SEC23IP: variants seen among roughly 807,000 people sequenced by gnomAD.
SEC23IP encodes SEC23-interacting protein.
SEC23IP carries 70 observed loss-of-function variants against 113.4 expected under a neutral mutation model. The ratio of observed to expected loss-of-function variants is 0.62; its 90% CI spans 0.51 to 0.75. The LOEUF is 0.75. Ranked by LOEUF, SEC23IP falls within the 30% of genes least tolerant of loss-of-function variation. The pLI, the probability that SEC23IP is intolerant of heterozygous loss-of-function variation, is 0.00. For synonymous variants in SEC23IP, 398 were observed against 421.0 expected, an observed-to-expected ratio of 0.95 and a Z score of 0.67; for missense variants, 1,160 against 1,204.9, an observed-to-expected ratio of 0.96 and a Z score of 0.55.
At position 119,919,619 on chromosome 10, in the gene SEC23IP, T is replaced by C. The variant is rs201450604; in HGVS notation, c.2025+23T>C. The stretch of plus-strand genomic sequence containing the variant: ...CTGGTACTGATCATAGTTTGCTTCA[T>C]TTTGTTTGAAATTGTTTTTCTTGTG... On this transcript the variant is annotated intron_variant, in intron 11 of 18. Transcript: ENST00000369075. The C allele has an allele frequency of 3.1e-5, 47 of 1,539,878 alleles. No individual in the cohort carries two copies. In the Admixed American group the frequency reaches 1.0e-3, roughly 34 times the overall value.
At chr10:119,909,353 G>T (rs1358871783) in intron 5 of SEC23IP, among the ~76,000 whole-genome samples, 2 of 152,090 alleles carry the variant, frequency 1.3e-5, no homozygotes, top group Admixed American at 6.6e-5. Flanking sequence ...GTAGGGCGAG[G>T]TGCACACCTG....
intron 18 of SEC23IP, among the ~76,000 whole-genome samples, chr10:119,934,799 T>G (rs1855720151): frequency 6.6e-6 from 1 of 152,230 alleles, no homozygotes; most frequent in African/African-American, 2.4e-5. Flanking sequence ...GAGAAAGTTT[T>G]TTGGCTCCAT....
chr10:119,912,930 C>T (rs187314003), intron 6 of SEC23IP, among the ~76,000 whole-genome samples: 31 of 152,254 alleles, frequency 2.0e-4, no homozygotes, highest in African/African-American at 3.6e-4. Context: ...TGTGAGCCAC[C>T]GCACCCTACC....
At chr10:119,918,771 A>C (rs1564916805) in intron 10 of SEC23IP, among the ~76,000 whole-genome samples, 1 of 152,174 alleles carries the variant, frequency 6.6e-6, no homozygotes, top group Admixed American at 6.5e-5. Flanking sequence ...ATAGGCCCAA[A>C]TATAATAGCT....
At position 119,905,245 on chromosome 10, in the gene SEC23IP, A is replaced by G. The variant is rs554768749; in HGVS notation, c.1101+968A>G. Among the ~76,000 whole-genome samples, 130 of 152,346 alleles carry G rather than the reference A, an allele frequency of 8.5e-4. 4 individuals are homozygous for G. In the South Asian group the frequency reaches 0.027, roughly 31 times the overall value. On this transcript the variant is annotated intron_variant, in intron 4 of 18. Transcript: ENST00000369075. ...ATCTATAGCTTAATTTTAGATATAA[A>G]TAAACAAATAAAGATATATTGTAAT...
At position 119,892,940 on chromosome 10, in the gene SEC23IP, C is replaced by G. The variant is rs1854140708; in HGVS notation, c.158C>G (p.Pro53Arg). Reference protein sequence around the residue: ...ASASPASLLLPGEDSTDVGEE... With the variant: ...ASASPASLLLRGEDSTDVGEE... ...GCTTCTCCGGCCTCCCTGCTCTTAC[C>G]GGGAGGTAATAAGGGGAGGGCGGCC... The change falls in exon 1 of 19, where the codon CCG (proline) becomes CGG (arginine). Residue 53 changes from proline (P) to arginine (R), a missense_variant. By Grantham distance (103) the Pro-to-Arg change is moderately radical. Coordinates refer to ENST00000369075, the MANE Select transcript of SEC23IP (RefSeq NM_007190.4). 3 of 1,611,848 alleles carry G rather than the reference C, an allele frequency of 1.9e-6. No individual in the cohort carries two copies. In the East Asian group the frequency reaches 6.7e-5, roughly 36 times the overall value.
intron 11 of SEC23IP, 33 bp from the exon 12 acceptor site, chr10:119,920,856 T>C: frequency 7.2e-7 from 1 of 1,380,174 alleles, no homozygotes; most frequent in Non-Finnish European, 1.0e-6. Context: ...TATCACTAGA[T>C]TGATTAATGT....
At chr10:119,926,650 C>A (rs1323089299) in intron 13 of SEC23IP, among the ~76,000 whole-genome samples, 1 of 152,174 alleles carries the variant, frequency 6.6e-6, no homozygotes, top group Non-Finnish European at 1.5e-5. Context: ...TTGACCAATG[C>A]TGCATTTAAT....
chr10:119,910,754 C>G (rs1434279307), intron 5 of SEC23IP, among the ~76,000 whole-genome samples: 1 of 152,098 alleles, frequency 6.6e-6, no homozygotes, highest in East Asian at 1.9e-4. Flanking sequence ...CCAATCACAA[C>G]TCGCTGCATC....
intron 2 of SEC23IP, among the ~76,000 whole-genome samples, chr10:119,899,871 G>A (rs1024199332): frequency 6.6e-6 from 1 of 152,130 alleles, no homozygotes; most frequent in Non-Finnish European, 1.5e-5. Context: ...AGTACAAAGA[G>A]CACTCTAATA....
chr10:119,895,049 A>G (rs965096644), intron 1 of SEC23IP, among the ~76,000 whole-genome samples: 3 of 152,182 alleles, frequency 2.0e-5, no homozygotes, highest in Non-Finnish European at 4.4e-5. Context: ...AGTTAATCAT[A>G]TAAGTGGAAG....
chr10:119,924,025 A>T (rs965672280), intron 12 of SEC23IP, among the ~76,000 whole-genome samples: 1 of 152,256 alleles, frequency 6.6e-6, no homozygotes, highest in Non-Finnish European at 1.5e-5. Flanking sequence ...ATTTAAAGTG[A>T]GGAACCCTGA....
At chr10:119,915,980 A>G in intron 8 of SEC23IP, 91 bp downstream of exon 8, 1 of 1,118,874 alleles carries the variant, frequency 8.9e-7, no homozygotes, top group South Asian at 3.2e-5. Flanking sequence ...TGTAGCTTCA[A>G]TCAATATGTT....
At chr10:119,905,100 C>T (rs542074391) in intron 4 of SEC23IP, among the ~76,000 whole-genome samples, 40 of 151,702 alleles carry the variant, frequency 2.6e-4, no homozygotes, top group African/African-American at 9.5e-4. Context: ...TGCCACTGCA[C>T]TCCAGCCTGG....
chr10:119,898,249 CAT>C (rs1297181646), intron 1 of SEC23IP, 176 bp from the exon 2 acceptor site: 1 of 1,161,014 alleles, frequency 8.6e-7, no homozygotes. Context: ...TCTAGTTTTT[CAT>C]TTCTAAGAAG....
Position 119,918,037 on chromosome 10 carries a change from C to T in SEC23IP, c.1746C>T (p.His582=), listed in dbSNP as rs1855110783. ...DFKGGVSVAG[H]SLGSLILFDI... ...AAGGAGGTGTCTCTGTTGCTGGTCA[C>T]AGTTTAGGTAAAACTGTCAAATATT... Residue 582 remains histidine (H), a synonymous_variant, in exon 9 of 19, where the codon CAC becomes CAT. Coordinates refer to ENST00000369075, the MANE Select transcript of SEC23IP (RefSeq NM_007190.4). The T allele has an allele frequency of 1.2e-6, 2 of 1,612,636 alleles. No homozygotes were observed. Among genetic ancestry groups the T allele is most frequent in the South Asian group, 2.2e-5 (2 of 90,946 alleles).
intron 8 of SEC23IP, among the ~76,000 whole-genome samples, chr10:119,916,396 T>C (rs1855053395): frequency 6.6e-6 from 1 of 152,202 alleles, no homozygotes; most frequent in Non-Finnish European, 1.5e-5. Context: ...CCAGGCACTG[T>C]GACAATTAAA....
Position 119,898,764 on chromosome 10 carries a change from T to C in SEC23IP, c.501T>C (p.Tyr167=). ...AGCCAAGTAGTCTCCCTCCTTCATATTTTGGGAACCAACCCCAAGGAATTC... is the reference window on the plus strand; with the variant it reads ...AGCCAAGTAGTCTCCCTCCTTCATACTTTGGGAACCAACCCCAAGGAATTC... ...PSQPSSLPPS[Y]FGNQPQGIPQ... The change falls in exon 2 of 19, where the codon TAT becomes TAC. Residue 167 remains tyrosine (Y), a synonymous_variant. Transcript: ENST00000369075. 6.2e-7 allele frequency: 1 copy of C among 1,614,200 alleles called. No individual in the cohort carries two copies. Among genetic ancestry groups the C allele is most frequent in the Non-Finnish European group, 8.5e-7 (1 of 1,180,030 alleles).
chr10:119,915,783 C>T lies in SEC23IP; in HGVS notation c.1438C>T (p.Arg480Trp), dbSNP rs373591568. Residue 480 changes from arginine (R) to tryptophan (W), a missense_variant, in exon 8 of 19, where the codon CGG becomes TGG. Physicochemically the swap from Arg to Trp is moderately radical, Grantham distance 101. Coordinates refer to ENST00000369075, the MANE Select transcript of SEC23IP (RefSeq NM_007190.4). ...DFRVVSLKLLRTHFKKSLDDG... is the reference protein window; with the variant it reads ...DFRVVSLKLLWTHFKKSLDDG... ...TAGGGTGGTTTCTCTCAAATTGCTG[C>T]GGACACATTTCAAGAAATCTTTAGA... The T allele has an allele frequency of 1.4e-4, 220 of 1,593,622 alleles. No homozygotes were observed. Among genetic ancestry groups the T allele is most frequent in the Non-Finnish European group, 1.8e-4 (214 of 1,169,700 alleles).
Sources: gnomAD v4.1 joint callset for allele counts (sites outside exome capture counted in the v4.1 genomes callset) on GRCh38, gnomAD v4.1.1 for gene constraint, MANE v1.5 for transcripts, NCBI Gene and HGNC (gene_info 2026-07-23, HGNC 2026-07-21) for gene names.